Variants in HEATR5A observed in about 807,000 individuals in gnomAD.
HEATR5A encodes HEAT repeat-containing protein 5A.
A neutral mutation model predicts 218.8 loss-of-function variants in HEATR5A; 178 were observed. That is an observed-to-expected ratio of 0.81 (90% CI 0.72 to 0.92). The LOEUF is 0.92. Among genes scored for constraint, HEATR5A ranks in the 40% least tolerant of loss-of-function variants. The pLI is 0.00. For synonymous variants in HEATR5A, 864 were observed against 871.6 expected, an observed-to-expected ratio of 0.99 and a Z score of 0.15; for missense variants, 2,420 against 2,418.9, an observed-to-expected ratio of 1.00 and a Z score of -0.01.
chr14:31,375,923 T>C (rs1286432482), intron 11 of HEATR5A, among the ~76,000 whole-genome samples: 1 of 152,212 alleles, frequency 6.6e-6, no homozygotes. Context: ...CCCCAGGTAC[T>C]TTTCTTTAAA....
At chr14:31,316,553 T>G (rs1899919357) in intron 26 of HEATR5A, among the ~76,000 whole-genome samples, 1 of 152,204 alleles carries the variant, frequency 6.6e-6, no homozygotes, top group Non-Finnish European at 1.5e-5. Context: ...TATGGAGAAA[T>G]GAAGCTATGA....
At chr14:31,411,515 G>C (rs1323666392) in intron 1 of HEATR5A, among the ~76,000 whole-genome samples, 2 of 152,206 alleles carry the variant, frequency 1.3e-5, no homozygotes, top group Non-Finnish European at 2.9e-5. Flanking sequence ...TTTGTGGAAT[G>C]CTGCCAGAAG....
chr14:31,350,716 G>A lies in HEATR5A; in HGVS notation c.2413C>T (p.Leu805Phe). Reference sequence around the variant, plus strand: ...TCCAAAAGCTGTTCCAATATAAGAAGCCTACAATCAGAAATAACAGGATTT... The same window carrying A: ...TCCAAAAGCTGTTCCAATATAAGAAACCTACAATCAGAAATAACAGGATTT... ...VCAHVGETQRLLILEQLLDSI... is the reference protein window; with the variant it reads ...VCAHVGETQRFLILEQLLDSI... Residue 805 changes from leucine (L) to phenylalanine (F), a missense_variant and splice_region_variant, in exon 17 of 36, where the codon CTT (leucine) becomes TTT (phenylalanine). By Grantham distance (22) the Leu-to-Phe change is conservative. Coordinates refer to ENST00000543095, the MANE Select transcript of HEATR5A (RefSeq NM_015473.4). 6.8e-7 allele frequency: 1 copy of A among 1,475,856 alleles called. No individual in the cohort carries two copies. The highest frequency in any genetic ancestry group is 9.3e-7 in the Non-Finnish European group (1 of 1,070,850). 91.4% of individuals were successfully genotyped at this position (1,475,856 alleles called of 1,614,324 possible).
At chr14:31,298,182 G>C (rs1027193121) in intron 33 of HEATR5A, among the ~76,000 whole-genome samples, 2 of 152,130 alleles carry the variant, frequency 1.3e-5, no homozygotes, top group African/African-American at 2.4e-5. Context: ...ACCTAAGCTA[G>C]AACCACATAG....
In HEATR5A at chr14:31,358,798, A is replaced by G. The variant is rs1033600287; in HGVS notation, c.2250T>C (p.Asn750=). 3.7e-6 allele frequency: 6 copies of G among 1,613,452 alleles called. No homozygotes were observed. Among genetic ancestry groups the G allele is most frequent in the East Asian group, 4.5e-5 (2 of 44,884 alleles). Residue 750 remains asparagine, a synonymous_variant, in exon 16 of 36, where the codon AAT becomes AAC. Transcript: ENST00000543095. ...RFIEEQLLLG[N]GVACGSLEYD... ...ATTCAAGACTTCCGCAAGCAACACC[A>G]TTACCAAGCAGGAGCTAAAAGGGAA... is the stretch of plus-strand genomic sequence containing the variant.
intron 9 of HEATR5A, 64 bp from the exon 10 acceptor site, chr14:31,383,835 C>A: frequency 7.9e-7 from 1 of 1,257,968 alleles, no homozygotes. Context: ...ATAAAATAGT[C>A]AAAAGAATAC....
chr14:31,300,549 A>C (rs1222225486), intron 33 of HEATR5A, among the ~76,000 whole-genome samples: 1 of 151,970 alleles, frequency 6.6e-6, no homozygotes, highest in East Asian at 1.9e-4. Flanking sequence ...AAGTGTGATC[A>C]AGGGTCAGCT....
intron 33 of HEATR5A, among the ~76,000 whole-genome samples, chr14:31,300,497 G>A (rs895066266): frequency 1.1e-4 from 17 of 151,992 alleles, no homozygotes; most frequent in African/African-American, 3.4e-4. Flanking sequence ...GAGATGCACC[G>A]AGAGATCCCC....
At chr14:31,412,799 G>C (rs1422302817) in intron 1 of HEATR5A, among the ~76,000 whole-genome samples, 2 of 151,938 alleles carry the variant, frequency 1.3e-5, no homozygotes, top group Non-Finnish European at 2.9e-5. Context: ...GCTTGAACCT[G>C]GGAGGTGAAA....
intron 14 of HEATR5A, among the ~76,000 whole-genome samples, chr14:31,363,695 T>TTTAGG (rs1901705762): frequency 6.6e-6 from 1 of 152,078 alleles, no homozygotes; most frequent in African/African-American, 2.4e-5. Context: ...AAAAAAGTAT[T>TTTAGG]TTAGGCTGGG....
At chr14:31,347,720 C>A in intron 19 of HEATR5A, 28 bp downstream of exon 19, 1 of 1,480,384 alleles carries the variant, frequency 6.8e-7, no homozygotes, top group South Asian at 1.5e-5. Context: ...TCATGAATTT[C>A]AAGGGAAGTA....
intron 21 of HEATR5A, among the ~76,000 whole-genome samples, chr14:31,339,935 C>CAT (rs1482474018): frequency 6.6e-6 from 1 of 152,080 alleles, no homozygotes; most frequent in African/African-American, 2.4e-5. Context: ...GTTTTACAAG[C>CAT]ATATAATACA....
At chr14:31,407,583 TTTATATATATATATATA>T (rs2031118549) in intron 1 of HEATR5A, among the ~76,000 whole-genome samples, 1 of 410 alleles carries the variant, frequency 2.4e-3, no homozygotes, top group African/African-American at 6.5e-3. Context: ...ACTTATTTTA[TTTATATATATATATATA>T]TATATATATA....
chr14:31,318,327 GAAGT>G, intron 25 of HEATR5A, 35 bp from the exon 26 acceptor site: 2 of 1,509,784 alleles, frequency 1.3e-6, no homozygotes, highest in South Asian at 1.1e-5. Context: ...CAAACATCAA[GAAGT>G]AAGACAGCAC....
chr14:31,413,328 T>G (rs1275790458), intron 1 of HEATR5A, among the ~76,000 whole-genome samples: 2 of 151,508 alleles, frequency 1.3e-5, no homozygotes, highest in Non-Finnish European at 2.9e-5. Context: ...GACAAGAAAT[T>G]TATAAGAAGT....
intron 18 of HEATR5A, among the ~76,000 whole-genome samples, chr14:31,349,438 C>T (rs1901137718): frequency 6.6e-6 from 1 of 151,976 alleles, no homozygotes; most frequent in Non-Finnish European, 1.5e-5. Context: ...AGCCTACAGC[C>T]TTTTCTTTTT....
chr14:31,321,679 A>G lies in HEATR5A; in HGVS notation c.3789T>C (p.Asn1263=). 6.4e-7 allele frequency: 1 copy of G among 1,570,468 alleles called. No homozygotes were observed. The highest frequency in any genetic ancestry group is 8.6e-7 in the Non-Finnish European group (1 of 1,160,128). The change falls in exon 25 of 36, where the codon AAT becomes AAC. Residue 1263 remains asparagine (N), a splice_region_variant and synonymous_variant. Transcript: ENST00000543095. ...AQEMKKRDSR[N]DFLVLHLADL... ...CAGCAAGATGCAGTACCAAAAAGTCATCTATAAGATTAAAAAACATATTGG... is the reference window on the plus strand; with the variant it reads ...CAGCAAGATGCAGTACCAAAAAGTCGTCTATAAGATTAAAAAACATATTGG...
chr14:31,356,167 A>T (rs1901419165), intron 16 of HEATR5A, among the ~76,000 whole-genome samples: 1 of 152,160 alleles, frequency 6.6e-6, no homozygotes, highest in African/African-American at 2.4e-5. Flanking sequence ...TTCTGTAACG[A>T]CACCTACTGG....
At chr14:31,345,675 T>C (rs981202424) in intron 19 of HEATR5A, among the ~76,000 whole-genome samples, 2 of 152,204 alleles carry the variant, frequency 1.3e-5, no homozygotes, top group Admixed American at 1.3e-4. Context: ...TAAAAGAATA[T>C]ATGTTGTATG....
Sources: allele counts gnomAD v4.1 joint callset (sites outside exome capture counted in the v4.1 genomes callset), GRCh38; gene constraint gnomAD v4.1.1; transcripts MANE v1.5; gene names NCBI Gene and HGNC (gene_info 2026-07-23, HGNC 2026-07-21).